Variants in PPEF1 observed in about 807,000 individuals in gnomAD.
PPEF1 encodes serine/threonine-protein phosphatase with EF-hands 1.
A neutral mutation model predicts 53.3 loss-of-function variants in PPEF1; 12 were observed. The observed-to-expected ratio is 0.23, with a 90% CI of 0.14 to 0.36. The LOEUF is 0.36. Ranked by LOEUF, PPEF1 falls within the 10% of genes least tolerant of loss-of-function variation. The pLI, the probability that PPEF1 is intolerant of heterozygous loss-of-function variation, is 1.00. For missense variants in PPEF1, 334 were observed against 490.4 expected, an observed-to-expected ratio of 0.68 and a Z score of 3.01; for synonymous variants, 165 against 176.7, an observed-to-expected ratio of 0.93 and a Z score of 0.52.
At chrX:18,679,697 C>T (rs184562032), upstream of PPEF1, among the ~76,000 whole-genome samples, 18 of 111,498 alleles carry the variant, frequency 1.6e-4, no homozygotes, top group African/African-American at 5.9e-4. Context: ...TTCAGATTAG[C>T]TCTCATCATT....
intron 6 of PPEF1, among the ~76,000 whole-genome samples, chrX:18,701,107 G>T (rs1930085449): frequency 8.9e-6 from 1 of 112,158 alleles, no homozygotes; most frequent in African/African-American, 3.2e-5. Context: ...TTGAAAGTTT[G>T]CTGTGACAGT....
chrX:18,695,536 T>C (rs947305518), intron 4 of PPEF1, among the ~76,000 whole-genome samples: 6 of 111,996 alleles, frequency 5.4e-5, no homozygotes, highest in Admixed American at 9.5e-5. Context: ...TTTCATGGAT[T>C]CTGTCCAGGT....
At chrX:18,701,827 T>C (rs1440557567) in intron 6 of PPEF1, among the ~76,000 whole-genome samples, 1 of 112,702 alleles carries the variant, frequency 8.9e-6, no homozygotes, top group Non-Finnish European at 1.9e-5. Flanking sequence ...ATAAACCACA[T>C]AGAACTATTC....
At chrX:18,744,942 C>G (rs1474126373) in intron 3 of PPEF1, among the ~76,000 whole-genome samples, 7 of 104,945 alleles carry the variant, frequency 6.7e-5, no homozygotes, top group African/African-American at 2.4e-4. Context: ...GGCAATCTCC[C>G]AAGGTTATTC....
At chrX:18,805,072 C>T (rs1175732423) in intron 11 of PPEF1, among the ~76,000 whole-genome samples, 5 of 109,596 alleles carry the variant, frequency 4.6e-5, no homozygotes, top group African/African-American at 6.6e-5. Context: ...CTGCAACCTC[C>T]GCCTCCCGAG....
intron 6 of PPEF1, among the ~76,000 whole-genome samples, chrX:18,771,672 T>C (rs1388507340): frequency 1.8e-5 from 2 of 111,622 alleles, no homozygotes; most frequent in Admixed American, 1.9e-4. Context: ...CCCCATACAG[T>C]TGAAAATCCA....
upstream of PPEF1, among the ~76,000 whole-genome samples, chrX:18,681,403 A>G (rs1465124486): frequency 1.8e-5 from 2 of 112,379 alleles, no homozygotes; most frequent in African/African-American, 6.5e-5. Flanking sequence ...CGCAGAGTCT[A>G]AATAGTTTCC....
chrX:18,803,869 G>T, intron 10 of PPEF1, 23 bp from the exon 11 acceptor site: 1 of 1,166,426 alleles, frequency 8.6e-7, no homozygotes, highest in Non-Finnish European at 1.2e-6. Flanking sequence ...AAGTTACAGC[G>T]AAATCTGGTT....
At chrX:18,706,441 G>A (rs180809467), upstream of PPEF1, among the ~76,000 whole-genome samples, 50 of 110,177 alleles carry the variant, frequency 4.5e-4, no homozygotes, top group African/African-American at 1.6e-3. Flanking sequence ...TGCCCAGAGA[G>A]CTTGTTTAAA....
At chrX:18,722,719 A>G (rs986205387) in intron 1 of PPEF1, among the ~76,000 whole-genome samples, 9 of 111,937 alleles carry the variant, frequency 8.0e-5, no homozygotes, top group African/African-American at 2.3e-4. Context: ...TCTTATGGAG[A>G]TTACATTCTA....
rs147514892 is a variant in PPEF1, at chrX:18,769,989, A to G, written c.558+8413A>G. 3.6e-3 allele frequency among the ~76,000 whole-genome samples: 405 copies of G among 111,450 alleles called. 5 individuals are homozygous for G. Among genetic ancestry groups the G allele is most frequent in the African/African-American group, 0.013 (393 of 30,696 alleles). ...TTAAGTTAATTAATTATGGTCTGCTATTTTTCCCCCTACAGGTCATCTGAG... is the reference window on the plus strand; with the variant it reads ...TTAAGTTAATTAATTATGGTCTGCTGTTTTTCCCCCTACAGGTCATCTGAG... On this transcript the variant is annotated intron_variant, in intron 6 of 15. Coordinates refer to ENST00000470157, the MANE Select transcript of PPEF1 (RefSeq NM_001377996.1).
At chrX:18,750,037 A>G in intron 4 of PPEF1, 85 bp downstream of exon 4, 1 of 890,957 alleles carries the variant, frequency 1.1e-6, no homozygotes, top group Non-Finnish European at 1.6e-6. Flanking sequence ...ATACCACAGC[A>G]GAGATGCATT....
intron 10 of PPEF1, among the ~76,000 whole-genome samples, chrX:18,799,140 G>A (rs1038036311): frequency 6.3e-5 from 7 of 110,431 alleles, no homozygotes; most frequent in African/African-American, 2.3e-4. Flanking sequence ...GGAGACTGAG[G>A]CAGAATTGCT....
At chrX:18,681,975 T>C (rs1928899560), upstream of PPEF1, among the ~76,000 whole-genome samples, 1 of 112,345 alleles carries the variant, frequency 8.9e-6, no homozygotes, top group Admixed American at 9.4e-5. Flanking sequence ...CACTAACGTT[T>C]GGGGTTGTTA....
chrX:18,737,927 C>T (rs771314299), intron 3 of PPEF1, among the ~76,000 whole-genome samples: 304 of 111,215 alleles, frequency 2.7e-3, no homozygotes, highest in Non-Finnish European at 4.7e-3. Context: ...TCTGTTTTAT[C>T]AGAGACTAGG....
chrX:18,781,713 A>T (rs967108749), intron 7 of PPEF1, among the ~76,000 whole-genome samples: 20 of 111,758 alleles, frequency 1.8e-4, no homozygotes, highest in African/African-American at 6.5e-4. Flanking sequence ...ATTGCATTTC[A>T]TCTTCACAGT....
Position 18,721,943 on chromosome X carries a change from G to T in PPEF1, c.47-8238G>T, listed in dbSNP as rs193122889. On this transcript the variant is annotated intron_variant, in intron 1 of 15. Transcript: ENST00000470157. ...CAGAAAAGTGTCTCCCAGGGACAAG[G>T]CCTCTGTGTTGTGGCCTTGCTCTGC... Among the ~76,000 whole-genome samples, 280 of 112,066 alleles carry T rather than the reference G, an allele frequency of 2.5e-3. 1 individual carries two copies. The highest frequency in any genetic ancestry group is 8.6e-3 in the African/African-American group (266 of 30,889).
At chrX:18,726,031 A>C (rs1383243529) in intron 1 of PPEF1, among the ~76,000 whole-genome samples, 1 of 111,116 alleles carries the variant, frequency 9.0e-6, no homozygotes, top group Non-Finnish European at 1.9e-5. Context: ...TCAGGTGTCC[A>C]GCTAGTGCCA....
chrX:18,791,168 G>A (rs2046318287), intron 10 of PPEF1, among the ~76,000 whole-genome samples: 1 of 111,845 alleles, frequency 8.9e-6, no homozygotes, highest in Non-Finnish European at 1.9e-5. Flanking sequence ...ACATTGGGAA[G>A]TGTGAGTTCT....
Sources: allele counts gnomAD v4.1 joint callset (sites outside exome capture counted in the v4.1 genomes callset), GRCh38; gene constraint gnomAD v4.1.1; transcripts MANE v1.5; gene names NCBI Gene and HGNC (gene_info 2026-07-23, HGNC 2026-07-21).